The following TANC1 variants were observed in gnomAD, a reference collection of about 807,000 sequenced individuals.
TANC1 encodes the protein protein TANC1.
In TANC1, 77 loss-of-function variants were observed where a neutral mutation model predicts 149.7. That is an observed-to-expected ratio of 0.51 (90% CI 0.43 to 0.62). TANC1 has a LOEUF of 0.62. Among genes scored for constraint, TANC1 ranks in the 20% least tolerant of loss-of-function variants. The pLI is 0.00. For synonymous variants in TANC1, 854 were observed against 925.0 expected (o/e 0.92, Z 1.39); for missense variants, 1,985 against 2,321.8 (o/e 0.85, Z 2.98).
At chr2:159,107,642 G>T (rs1445364177) in intron 4 of TANC1, among the ~76,000 whole-genome samples, 1 of 152,070 alleles carries the variant, frequency 6.6e-6, no homozygotes, top group African/African-American at 2.4e-5. Context: ...AATCATTGTT[G>T]TGCCTTCACC....
chr2:159,209,670 A>T (rs1225380607), intron 19 of TANC1, among the ~76,000 whole-genome samples: 2 of 152,058 alleles, frequency 1.3e-5, no homozygotes, highest in African/African-American at 4.8e-5. Context: ...CCCAGAGTTT[A>T]AAAAAAAGAA....
In TANC1 at chr2:159,217,544, C is replaced by T; in HGVS notation, c.3292C>T (p.Leu1098=). ...GRGKLEVCEL[L]LGHGAAVSRT... Reference sequence around the variant, plus strand: ...AGGGAAGCTGGAGGTCTGTGAGCTGCTGCTGGGGCATGGAGCTGCTGTGTC... The same window carrying T: ...AGGGAAGCTGGAGGTCTGTGAGCTGTTGCTGGGGCATGGAGCTGCTGTGTC... The change falls in exon 20 of 27, where the codon CTG becomes TTG. Residue 1098 remains leucine, a synonymous_variant. Coordinates refer to ENST00000263635, the MANE Select transcript of TANC1 (RefSeq NM_033394.3). 3 of 1,614,234 alleles carry T rather than the reference C, an allele frequency of 1.9e-6. No homozygotes were observed. Among genetic ancestry groups the T allele is most frequent in the Non-Finnish European group, 2.5e-6 (3 of 1,180,040 alleles).
intron 13 of TANC1, 97 bp downstream of exon 13, chr2:159,176,615 T>A: frequency 1.0e-6 from 1 of 965,664 alleles, no homozygotes. Flanking sequence ...ATTCAGCTGC[T>A]TGAATTGGAA....
chr2:159,049,502 C>CT (rs755086511), intron 2 of TANC1, among the ~76,000 whole-genome samples: 3 of 152,150 alleles, frequency 2.0e-5, no homozygotes, highest in Non-Finnish European at 4.4e-5. Context: ...TACCCCAGAC[C>CT]TAAAGAACCG....
At chr2:159,088,188 C>T (rs900341138) in intron 3 of TANC1, among the ~76,000 whole-genome samples, 13 of 152,028 alleles carry the variant, frequency 8.6e-5, no homozygotes, top group East Asian at 3.9e-4. Context: ...TGAGTGCAGT[C>T]GGGCTCTGGT....
intron 22 of TANC1, 82 bp downstream of exon 22, chr2:159,219,949 A>C: frequency 7.8e-7 from 1 of 1,284,008 alleles, no homozygotes. Flanking sequence ...CAGGGCCTGC[A>C]TGAGGTTGTG....
intron 1 of TANC1, among the ~76,000 whole-genome samples, chr2:158,987,041 T>TAA (rs528717919): frequency 5.2e-4 from 72 of 138,060 alleles, no homozygotes; most frequent in Non-Finnish European, 8.3e-4. Context: ...TGTCTCTACT[T>TAA]AAAAAAAAAA....
chr2:159,220,325 C>T (rs567405505), intron 22 of TANC1, among the ~76,000 whole-genome samples: 1 of 150,924 alleles, frequency 6.6e-6, no homozygotes, highest in African/African-American at 2.4e-5. Context: ...TTTTTTTTCC[C>T]AAGATGGAGT....
chr2:159,219,549 C>T, intron 21 of TANC1, 143 bp from the exon 22 acceptor site: 3 of 1,271,410 alleles, frequency 2.4e-6, no homozygotes, highest in South Asian at 1.3e-5. Context: ...GACCATTCTG[C>T]CAGCCCATCC....
intron 2 of TANC1, among the ~76,000 whole-genome samples, chr2:159,063,577 G>A (rs1257304928): frequency 1.3e-5 from 2 of 152,080 alleles, no homozygotes; most frequent in Admixed American, 6.5e-5. Flanking sequence ...TTGCACTCAG[G>A]TATAATCAGT....
intron 2 of TANC1, among the ~76,000 whole-genome samples, chr2:159,027,305 A>C (rs2039427276): frequency 6.6e-6 from 1 of 152,216 alleles, no homozygotes; most frequent in Non-Finnish European, 1.5e-5. Context: ...TGCTGCTTAA[A>C]TATTTCTTCT....
Position 159,077,004 on chromosome 2 carries a change from A to G in TANC1, c.61+11033A>G, listed in dbSNP as rs780338730. 3.5e-5 allele frequency among the ~76,000 whole-genome samples: 5 copies of G among 144,888 alleles called. No individual in the cohort carries two copies. The South Asian group carries it at 1.1e-3, about 32-fold the overall frequency. On this transcript the variant is annotated intron_variant, in intron 3 of 26. Coordinates refer to ENST00000263635, the MANE Select transcript of TANC1 (RefSeq NM_033394.3). ...CATTTTGTTTTTTTTTTTCCTTTAG[A>G]TTTTTTTTTCTTTTCCTAGAAGGAT... is the stretch of plus-strand genomic sequence containing the variant.
Position 159,228,810 on chromosome 2 carries a change from A to G in TANC1, c.4065A>G (p.Ala1355=), listed in dbSNP as rs772266763. The G allele has an allele frequency of 6.8e-6, 11 of 1,614,032 alleles. No homozygotes were observed. Among genetic ancestry groups the G allele is most frequent in the Non-Finnish European group, 9.3e-6 (11 of 1,179,902 alleles). Reference sequence around the variant, plus strand: ...GTCGACACCAGGACTTTGGCATGGCAGAGGAATTTGCTTCCAAGGCTCTCG... The same window carrying G: ...GTCGACACCAGGACTTTGGCATGGCGGAGGAATTTGCTTCCAAGGCTCTCG... ...CRRKTNDFGM[A]EEFASKALEL... Residue 1355 remains alanine (A), a synonymous_variant, in exon 26 of 27, where the codon GCA becomes GCG. Transcript: ENST00000263635.
At chr2:159,007,138 G>GTTTTTTTTTTTTTTTTT (rs70994252) in intron 2 of TANC1, among the ~76,000 whole-genome samples, 1 of 69,512 alleles carries the variant, frequency 1.4e-5, no homozygotes. Flanking sequence ...CTTTAATACT[G>GTTTTTTTTTTTTTTTTT]TTTTTTTTTT....
chr2:159,084,961 C>A (rs1336288175), intron 3 of TANC1, among the ~76,000 whole-genome samples: 1 of 152,154 alleles, frequency 6.6e-6, no homozygotes, highest in African/African-American at 2.4e-5. Flanking sequence ...CTCCTCCAAG[C>A]CTTGATTTCC....
intron 20 of TANC1, among the ~76,000 whole-genome samples, chr2:159,218,582 A>G (rs2059493235): frequency 6.6e-6 from 1 of 152,180 alleles, no homozygotes; most frequent in Admixed American, 6.5e-5. Flanking sequence ...GGGCTAAGCT[A>G]CGGGTGAAGC....
intron 2 of TANC1, among the ~76,000 whole-genome samples, chr2:159,060,968 G>A (rs2042197032): frequency 6.6e-6 from 1 of 152,186 alleles, no homozygotes; most frequent in African/African-American, 2.4e-5. Flanking sequence ...GAGAGGTTGT[G>A]CCTGTCCCCA....
Position 159,196,615 on chromosome 2 carries a change from A to T in TANC1, c.2987A>T (p.His996Leu). The T allele has an allele frequency of 6.3e-7, 1 of 1,598,200 alleles. No individual in the cohort carries two copies. The highest frequency in any genetic ancestry group is 8.5e-7 in the Non-Finnish European group (1 of 1,169,780). The stretch of plus-strand genomic sequence containing the variant: ...CCCTACTCCTGCCCCCAGGTGGACC[A>T]CTTGGATAAGAAGGGCCAGTGTGCG... ...LLTKKGVRVDHLDKKGQCALV... is the reference protein window; with the variant it reads ...LLTKKGVRVDLLDKKGQCALV... The change falls in exon 18 of 27, where the codon CAC becomes CTC. Residue 996 changes from histidine (H) to leucine (L), a missense_variant. His to Leu is a moderately conservative substitution (Grantham distance 99). This residue lies in a region of TANC1 where 508 missense variants were observed against 714.2 expected (regional missense o/e 0.71). Transcript: ENST00000263635.
At chr2:159,212,577 C>T (rs1210705426) in intron 19 of TANC1, among the ~76,000 whole-genome samples, 1 of 152,040 alleles carries the variant, frequency 6.6e-6, no homozygotes, top group Non-Finnish European at 1.5e-5. Flanking sequence ...ATGGGAGATA[C>T]CCAGAGAAAT....
Sources: gnomAD v4.1 joint callset for allele counts (sites outside exome capture counted in the v4.1 genomes callset) on GRCh38, gnomAD v4.1.1 for gene constraint, gnomAD v4.1.1 regional missense constraint, MANE v1.5 for transcripts, NCBI Gene and HGNC (gene_info 2026-07-23, HGNC 2026-07-21) for gene names.